The following MAPK8 variants were observed in gnomAD, a reference collection of about 807,000 sequenced individuals.
MAPK8 encodes JUN N-terminal kinase.
Under a neutral mutation model 52.9 loss-of-function variants are expected in MAPK8, and 13 were observed. The ratio of observed to expected loss-of-function variants is 0.25; its 90% CI spans 0.16 to 0.39. MAPK8 has a LOEUF of 0.39. Among genes scored for constraint, MAPK8 ranks in the 10% least tolerant of loss-of-function variants. The pLI is 1.00. For synonymous variants in MAPK8, 191 were observed against 169.8 expected (o/e 1.12, Z -0.97); for missense variants, 300 against 519.2 (o/e 0.58, Z 4.10).
At chr10:48,326,934 G>T (rs1416029357) in intron 1 of MAPK8, among the ~76,000 whole-genome samples, 1 of 151,760 alleles carries the variant, frequency 6.6e-6, no homozygotes, top group Non-Finnish European at 1.5e-5. Context: ...TCAACTAGGA[G>T]TGTTTTTTGT....
At chr10:48,334,027 G>T (rs1449211947) in intron 1 of MAPK8, among the ~76,000 whole-genome samples, 1 of 152,172 alleles carries the variant, frequency 6.6e-6, no homozygotes, top group Admixed American at 6.5e-5. Context: ...GCTGGCATTG[G>T]TGGACAGCAT....
intron 1 of MAPK8, among the ~76,000 whole-genome samples, chr10:48,319,288 CAGCTCAA>C (rs1842770926): frequency 6.6e-6 from 1 of 152,122 alleles, no homozygotes; most frequent in African/African-American, 2.4e-5. Flanking sequence ...TTGAAATATA[CAGCTCAA>C]AGCTTTTTTA....
In MAPK8 at chr10:48,405,469, TAG is replaced by T. The variant is rs552494726; in HGVS notation, c.252+489_252+490del. Among the ~76,000 whole-genome samples the T allele has an allele frequency of 1.6e-4, 25 of 152,308 alleles. No individual in the cohort carries two copies. In the South Asian group the frequency reaches 5.2e-3, roughly 32 times the overall value. On this transcript the variant is annotated intron_variant, in intron 3 of 11. Coordinates refer to ENST00000374189, the MANE Select transcript of MAPK8 (RefSeq NM_001323329.2). ...TTCACTGATCACTTTATGATGAGGATAGTGGGTTTAGCAGAAAGTGTTTGAAA... is the reference window on the plus strand; with the variant it reads ...TTCACTGATCACTTTATGATGAGGATTGGGTTTAGCAGAAAGTGTTTGAAA...
chr10:48,358,813 A>G (rs1413169933), intron 1 of MAPK8, among the ~76,000 whole-genome samples: 1 of 152,132 alleles, frequency 6.6e-6, no homozygotes, highest in African/African-American at 2.4e-5. Context: ...AGGCTAATGT[A>G]TTCTTTGTGC....
intron 1 of MAPK8, among the ~76,000 whole-genome samples, chr10:48,346,577 G>A (rs968087769): frequency 3.9e-5 from 6 of 152,140 alleles, no homozygotes; most frequent in African/African-American, 1.4e-4. Context: ...TTCCCCGGGG[G>A]AGTTTAGAGA....
At chr10:48,362,522 A>G (rs190762861) in intron 1 of MAPK8, among the ~76,000 whole-genome samples, 41 of 126,324 alleles carry the variant, frequency 3.2e-4, no homozygotes, top group African/African-American at 1.2e-3. Context: ...AAAGAAAAAA[A>G]CCACATTTTC....
chr10:48,423,327 C>CT (rs2043478073), intron 6 of MAPK8, among the ~76,000 whole-genome samples: 1 of 152,194 alleles, frequency 6.6e-6, no homozygotes, highest in East Asian at 1.9e-4. Flanking sequence ...CTAGCCAAAA[C>CT]TAACTTCTTA....
intron 5 of MAPK8, among the ~76,000 whole-genome samples, chr10:48,417,887 G>T (rs1369839669): frequency 6.6e-6 from 1 of 152,160 alleles, no homozygotes; most frequent in Non-Finnish European, 1.5e-5. Flanking sequence ...AATGCAACCA[G>T]TAGCTACCAA....
chr10:48,369,994 T>C (rs1009410837), intron 1 of MAPK8, among the ~76,000 whole-genome samples: 2 of 151,832 alleles, frequency 1.3e-5, no homozygotes, highest in South Asian at 2.1e-4. Context: ...AAAGAGTGGG[T>C]AGAGATGATT....
At chr10:48,325,247 T>C (rs1262234675) in intron 1 of MAPK8, among the ~76,000 whole-genome samples, 2 of 152,204 alleles carry the variant, frequency 1.3e-5, no homozygotes, top group Non-Finnish European at 2.9e-5. Context: ...CCTGTCATCC[T>C]TCTTGATCAA....
intron 1 of MAPK8, among the ~76,000 whole-genome samples, chr10:48,331,860 C>A (rs1322886321): frequency 1.3e-5 from 2 of 152,124 alleles, no homozygotes; most frequent in East Asian, 3.9e-4. Flanking sequence ...TTGGGGCTGT[C>A]ATAATCCTAA....
chr10:48,388,965 C>T (rs1332512272), intron 1 of MAPK8, among the ~76,000 whole-genome samples: 2 of 151,890 alleles, frequency 1.3e-5, no homozygotes. Context: ...GGCTAGTCAG[C>T]CATAGTTTTT....
At chr10:48,327,909 A>T (rs1468642636) in intron 1 of MAPK8, among the ~76,000 whole-genome samples, 2 of 152,210 alleles carry the variant, frequency 1.3e-5, no homozygotes, top group Non-Finnish European at 2.9e-5. Context: ...TTTTTGGTGT[A>T]CAGAGTTGTT....
At chr10:48,337,018 C>T (rs1423914469) in intron 1 of MAPK8, among the ~76,000 whole-genome samples, 1 of 152,138 alleles carries the variant, frequency 6.6e-6, no homozygotes, top group African/African-American at 2.4e-5. Flanking sequence ...GACAACCACA[C>T]AATAATAGTG....
intron 1 of MAPK8, among the ~76,000 whole-genome samples, chr10:48,385,729 C>T (rs374702684): frequency 9.9e-5 from 15 of 152,070 alleles, no homozygotes; most frequent in African/African-American, 3.1e-4. Context: ...ATTAGCTGGA[C>T]AATTAAACTT....
intron 1 of MAPK8, among the ~76,000 whole-genome samples, chr10:48,357,049 T>C (rs1371833107): frequency 6.6e-6 from 1 of 152,116 alleles, no homozygotes; most frequent in Admixed American, 6.5e-5. Context: ...AAAATACGAT[T>C]GTAAATTCCA....
intron 1 of MAPK8, 90 bp from the exon 2 acceptor site, chr10:48,401,522 G>A (rs573195836): frequency 5.4e-6 from 4 of 742,338 alleles, no homozygotes; most frequent in Non-Finnish European, 8.8e-6. Context: ...AGCAGTCTGT[G>A]TTACTATCAG....
At chr10:48,433,200 T>TG (rs1386575515) in intron 11 of MAPK8, among the ~76,000 whole-genome samples, 1 of 152,154 alleles carries the variant, frequency 6.6e-6, no homozygotes, top group Non-Finnish European at 1.5e-5. Context: ...CAAGTGTGTG[T>TG]TTTTTCCCCT....
chr10:48,346,908 G>A (rs576828828), intron 1 of MAPK8, among the ~76,000 whole-genome samples: 77 of 152,244 alleles, frequency 5.1e-4, no homozygotes, highest in African/African-American at 1.2e-3. Context: ...TGTGACCCAC[G>A]TGACCTTACC....
Sources: allele counts gnomAD v4.1 joint callset (sites outside exome capture counted in the v4.1 genomes callset), GRCh38; gene constraint gnomAD v4.1.1; transcripts MANE v1.5; gene names NCBI Gene and HGNC (gene_info 2026-07-23, HGNC 2026-07-21).